Variants in KLF9 observed in about 807,000 individuals in gnomAD.
KLF9 encodes the protein KLF transcription factor 9.
KLF9 carries 2 observed loss-of-function variants against 17.3 expected under a neutral mutation model. The observed-to-expected ratio is 0.12, with a 90% CI of 0.05 to 0.36. KLF9 has a LOEUF of 0.36. Among genes scored for constraint, KLF9 ranks in the 10% least tolerant of loss-of-function variants. The pLI, the probability that KLF9 is intolerant of heterozygous loss-of-function variation, is 1.00. For missense variants in KLF9, 226 were observed against 333.2 expected (o/e 0.68, Z 2.51); for synonymous variants, 138 against 139.2 (o/e 0.99, Z 0.06).
chr9:70,409,026 A>ATATATATACATATATGTG (rs1564089111), intron 1 of KLF9, among the ~76,000 whole-genome samples: 106 of 124,086 alleles, frequency 8.5e-4, no homozygotes, highest in African/African-American at 3.1e-3. Flanking sequence ...ATATATGTAT[A>ATATATATACATATATGTG]TATATATATG....
intron 1 of KLF9, 40 bp downstream of exon 1, chr9:70,412,815 TTAAC>T: frequency 6.6e-7 from 1 of 1,520,442 alleles, no homozygotes; most frequent in Non-Finnish European, 8.8e-7. Context: ...TGGCCAAAGG[TTAAC>T]TAACCCCAGA....
chr9:70,410,775 A>T (rs2037306118), intron 1 of KLF9, among the ~76,000 whole-genome samples: 1 of 152,240 alleles, frequency 6.6e-6, no homozygotes, highest in African/African-American at 2.4e-5. Flanking sequence ...TTGAAGTTGT[A>T]TCTGAAACTT....
intron 1 of KLF9, among the ~76,000 whole-genome samples, chr9:70,408,428 C>T (rs2037272348): frequency 6.6e-6 from 1 of 152,044 alleles, no homozygotes; most frequent in East Asian, 1.9e-4. Flanking sequence ...CTGGGGAGCC[C>T]TCTGGAAAGA....
intron 1 of KLF9, among the ~76,000 whole-genome samples, chr9:70,402,701 A>T (rs919414101): frequency 3.3e-5 from 5 of 152,180 alleles, no homozygotes; most frequent in Admixed American, 2.0e-4. Flanking sequence ...CCTTCTGTAC[A>T]TTCACTTATG....
intron 1 of KLF9, among the ~76,000 whole-genome samples, chr9:70,391,220 G>C (rs1444795570): frequency 6.6e-6 from 1 of 152,210 alleles, no homozygotes; most frequent in Non-Finnish European, 1.5e-5. Context: ...GCTGTGTTAG[G>C]AAGATGGCTT....
intron 1 of KLF9, among the ~76,000 whole-genome samples, chr9:70,401,643 C>A (rs2037222349): frequency 7.6e-6 from 1 of 131,586 alleles, no homozygotes; most frequent in Non-Finnish European, 1.5e-5. Flanking sequence ...GCTGAGATCG[C>A]ACCACTGCAC....
Position 70,405,029 on chromosome 9 carries a change from C to T in KLF9, c.505+7830G>A, listed in dbSNP as rs570729047. 1.8e-4 allele frequency among the ~76,000 whole-genome samples: 28 copies of T among 152,294 alleles called. No homozygotes were observed. In the South Asian group the frequency reaches 5.6e-3, roughly 30 times the overall value. On this transcript the variant is annotated intron_variant, in intron 1 of 1. Coordinates refer to ENST00000377126, the MANE Select transcript of KLF9 (RefSeq NM_001206.4). The stretch of plus-strand genomic sequence containing the variant: ...ACTGTTCAATATGAAATAGGTCAGG[C>T]CTTACTCTTCATTTCTAACTGCCTG...
chr9:70,404,139 CTG>C (rs1181060162), intron 1 of KLF9, among the ~76,000 whole-genome samples: 1 of 152,174 alleles, frequency 6.6e-6, no homozygotes, highest in Non-Finnish European at 1.5e-5. Context: ...CACAGGATTG[CTG>C]TGAGTTTAAA....
chr9:70,401,191 T>G (rs1034295977), intron 1 of KLF9, among the ~76,000 whole-genome samples: 1 of 150,042 alleles, frequency 6.7e-6, no homozygotes, highest in East Asian at 1.9e-4. Context: ...AAAAAAAAAT[T>G]TTTTAAATTA....
intron 1 of KLF9, among the ~76,000 whole-genome samples, chr9:70,401,509 A>G (rs2118918247): frequency 6.6e-6 from 1 of 152,116 alleles, no homozygotes; most frequent in South Asian, 2.1e-4. Flanking sequence ...AACATGGTGA[A>G]ACCCTATCAA....
chr9:70,407,913 T>G (rs906816101), intron 1 of KLF9, among the ~76,000 whole-genome samples: 9 of 152,236 alleles, frequency 5.9e-5, no homozygotes, highest in East Asian at 3.8e-4. Context: ...CCTAACAGGA[T>G]ACTTGATATC....
At chr9:70,409,085 C>T (rs1216389359) in intron 1 of KLF9, among the ~76,000 whole-genome samples, 13 of 76,670 alleles carry the variant, frequency 1.7e-4, no homozygotes, top group African/African-American at 4.0e-4. Flanking sequence ...TATATATACA[C>T]ATATATGTAT....
Position 70,410,665 on chromosome 9 carries a change from T to C in KLF9, c.505+2194A>G, listed in dbSNP as rs183049077. ...TTTAGCTCCTAAAATCTTCACAGAA[T>C]GCAGACATTCCAAATGCCATCTCTG... On this transcript the variant is annotated intron_variant, in intron 1 of 1. Coordinates refer to ENST00000377126, the MANE Select transcript of KLF9 (RefSeq NM_001206.4). Among the ~76,000 whole-genome samples the C allele has an allele frequency of 4.0e-3, 611 of 152,276 alleles. 3 individuals carry two copies. The highest frequency in any genetic ancestry group is 0.013 in the African/African-American group (551 of 41,558).
chr9:70,409,194 GTATATGTATATATATATACATATA>G (rs2037292078), intron 1 of KLF9, among the ~76,000 whole-genome samples: 1 of 72,590 alleles, frequency 1.4e-5, no homozygotes, highest in Admixed American at 1.8e-4. Context: ...ACATATACAT[GTATATGTATATATATATACATATA>G]TGTATATATA....
intron 1 of KLF9, among the ~76,000 whole-genome samples, chr9:70,394,603 A>T (rs2037171814): frequency 6.6e-6 from 1 of 152,212 alleles, no homozygotes; most frequent in African/African-American, 2.4e-5. Flanking sequence ...AATAAGAAGT[A>T]AATGGTGAGA....
intron 1 of KLF9, among the ~76,000 whole-genome samples, chr9:70,393,360 G>A (rs569587340): frequency 2.6e-5 from 4 of 152,130 alleles, no homozygotes; most frequent in East Asian, 1.9e-4. Flanking sequence ...GTCCTGAAAC[G>A]AATGGAGGTG....
chr9:70,411,922 T>C lies in KLF9; in HGVS notation c.505+937A>G, dbSNP rs2037316972. Among the ~76,000 whole-genome samples, 3 of 152,204 alleles carry C rather than the reference T, an allele frequency of 2.0e-5. No homozygotes were observed. The South Asian group carries it at 6.2e-4, about 32-fold the overall frequency. On this transcript the variant is annotated intron_variant, in intron 1 of 1. Coordinates refer to ENST00000377126, the MANE Select transcript of KLF9 (RefSeq NM_001206.4). ...TCCAAATGTGAATGCTTTCCAACTTTTACCGTTCATGTTAAACACAACCAA... is the reference window on the plus strand; with the variant it reads ...TCCAAATGTGAATGCTTTCCAACTTCTACCGTTCATGTTAAACACAACCAA...
chr9:70,405,213 T>C (rs1169066347), intron 1 of KLF9, among the ~76,000 whole-genome samples: 2 of 152,230 alleles, frequency 1.3e-5, no homozygotes, highest in Non-Finnish European at 2.9e-5. Flanking sequence ...CCTATTCCAC[T>C]GGTTCCCACT....
chr9:70,406,514 G>GCCA (rs2118923634), intron 1 of KLF9, among the ~76,000 whole-genome samples: 1 of 152,310 alleles, frequency 6.6e-6, no homozygotes, highest in South Asian at 2.1e-4. Context: ...AACAACTGCT[G>GCCA]CCACCAAGTG....
Sources: gnomAD v4.1 joint callset for allele counts (sites outside exome capture counted in the v4.1 genomes callset) on GRCh38, gnomAD v4.1.1 for gene constraint, MANE v1.5 for transcripts, NCBI Gene and HGNC (gene_info 2026-07-23, HGNC 2026-07-21) for gene names.